SGCZ: variants seen among roughly 807,000 people sequenced by gnomAD.
SGCZ encodes the protein zeta-sarcoglycan.
A neutral mutation model predicts 41.3 loss-of-function variants in SGCZ; 40 were observed. The observed-to-expected ratio is 0.97, with a 90% CI of 0.75 to 1.26. The LOEUF (loss-of-function observed/expected upper bound fraction) is 1.26, where lower values mean the gene tolerates loss of function less well. SGCZ is among the 50% of genes most tolerant of loss of function. The pLI is 0.00. For missense variants in SGCZ, 552 were observed against 369.8 expected, an observed-to-expected ratio of 1.49 and a Z score of -4.04; for synonymous variants, 206 against 137.5, an observed-to-expected ratio of 1.50 and a Z score of -3.49.
Position 14,530,724 on chromosome 8 carries a change from T to G in SGCZ, c.234+24008A>C, listed in dbSNP as rs546135054. 1.6e-3 allele frequency among the ~76,000 whole-genome samples: 238 copies of G among 152,230 alleles called. 3 individuals are homozygous for G. Among genetic ancestry groups the G allele is most frequent in the African/African-American group, 5.4e-3 (226 of 41,562 alleles). ...TATGCCTGGCACAGTAGTGCTTGCT[T>G]ATAGCCCCATCTATTCTGGAGGCTG... On this transcript the variant is annotated intron_variant, in intron 2 of 7. Coordinates refer to ENST00000382080, the MANE Select transcript of SGCZ (RefSeq NM_139167.4).
At chr8:14,427,886 G>A (rs567473887) in intron 2 of SGCZ, among the ~76,000 whole-genome samples, 1 of 152,122 alleles carries the variant, frequency 6.6e-6, no homozygotes, top group South Asian at 2.1e-4. Context: ...TAAAAATAAT[G>A]CATTAAAAAA....
chr8:14,573,960 G>A (rs114387269), intron 1 of SGCZ, among the ~76,000 whole-genome samples: 2 of 152,194 alleles, frequency 1.3e-5, no homozygotes, highest in African/African-American at 2.4e-5. Flanking sequence ...TTTGCACAGA[G>A]GATACATGCA....
intron 1 of SGCZ, among the ~76,000 whole-genome samples, chr8:14,732,807 C>A (rs1256702117): frequency 6.6e-6 from 1 of 151,994 alleles, no homozygotes; most frequent in Non-Finnish European, 1.5e-5. Flanking sequence ...GCAATTATCT[C>A]TTTTGTCTTT....
intron 1 of SGCZ, among the ~76,000 whole-genome samples, chr8:14,599,697 G>A (rs1463774508): frequency 6.6e-6 from 1 of 152,050 alleles, no homozygotes; most frequent in African/African-American, 2.4e-5. Flanking sequence ...CCTAATAAAT[G>A]AACACGTGTC....
chr8:14,593,266 AT>A (rs1805297810), intron 1 of SGCZ, among the ~76,000 whole-genome samples: 1 of 152,200 alleles, frequency 6.6e-6, no homozygotes, highest in Admixed American at 6.5e-5. Flanking sequence ...CAGATAGACA[AT>A]GATGAGAGAA....
At chr8:14,927,074 C>G (rs901961176) in intron 1 of SGCZ, among the ~76,000 whole-genome samples, 13 of 147,800 alleles carry the variant, frequency 8.8e-5, no homozygotes, top group Admixed American at 1.3e-4. Flanking sequence ...TTAAAATATA[C>G]TATATCAAAG....
chr8:14,481,435 A>G (rs1210344983), intron 2 of SGCZ, among the ~76,000 whole-genome samples: 1 of 152,232 alleles, frequency 6.6e-6, no homozygotes, highest in Non-Finnish European at 1.5e-5. Flanking sequence ...ATAAGTTTCA[A>G]AGTCATGAAT....
intron 3 of SGCZ, among the ~76,000 whole-genome samples, chr8:14,320,789 G>T (rs1801891088): frequency 6.6e-6 from 1 of 152,044 alleles, no homozygotes; most frequent in African/African-American, 2.4e-5. Context: ...GGGATCAGTG[G>T]CAGTGGTGAG....
At chr8:14,735,647 T>G (rs1320632875) in intron 1 of SGCZ, among the ~76,000 whole-genome samples, 1 of 152,132 alleles carries the variant, frequency 6.6e-6, no homozygotes, top group Non-Finnish European at 1.5e-5. Context: ...TGGCCTATAG[T>G]GAGACTTCAC....
chr8:14,855,901 A>G (rs1251166171), intron 1 of SGCZ, among the ~76,000 whole-genome samples: 2 of 152,204 alleles, frequency 1.3e-5, no homozygotes, highest in Non-Finnish European at 2.9e-5. Flanking sequence ...AAGACCACAA[A>G]AGGAAAAGAC....
At position 14,906,107 on chromosome 8, in the gene SGCZ, G is replaced by A. The variant is rs1022937506; in HGVS notation, c.39+331478C>T. Among the ~76,000 whole-genome samples the A allele has an allele frequency of 5.9e-5, 9 of 152,044 alleles. 1 individual carries two copies. In the East Asian group the frequency reaches 1.2e-3, roughly 20 times the overall value. ...GATCGACAAAAGGCTGCGTATTTGAGATATAAGAGATAAATAAATTAAACA... is the reference window on the plus strand; with the variant it reads ...GATCGACAAAAGGCTGCGTATTTGAAATATAAGAGATAAATAAATTAAACA... On this transcript the variant is annotated intron_variant, in intron 1 of 7. Coordinates refer to ENST00000382080, the MANE Select transcript of SGCZ (RefSeq NM_139167.4).
intron 1 of SGCZ, among the ~76,000 whole-genome samples, chr8:14,916,456 GA>G (rs1002228771): frequency 6.6e-6 from 1 of 152,202 alleles, no homozygotes; most frequent in Non-Finnish European, 1.5e-5. Flanking sequence ...CAGAAATGTA[GA>G]TATGATAATG....
chr8:14,526,054 C>T (rs954940696), intron 2 of SGCZ, among the ~76,000 whole-genome samples: 16 of 151,802 alleles, frequency 1.1e-4, no homozygotes, highest in African/African-American at 2.7e-4. Context: ...TATCCATATT[C>T]GAAAAAGTAT....
chr8:14,399,803 A>G lies in SGCZ; in HGVS notation c.235-75599T>C, dbSNP rs1343211876. Among the ~76,000 whole-genome samples, 4 of 152,174 alleles carry G rather than the reference A, an allele frequency of 2.6e-5. 1 individual carries two copies. The South Asian group carries it at 6.2e-4, about 24-fold the overall frequency. On this transcript the variant is annotated intron_variant, in intron 2 of 7. Coordinates refer to ENST00000382080, the MANE Select transcript of SGCZ (RefSeq NM_139167.4). ...TCAAAGGACTAACAAATAGCTGATA[A>G]TATTAATCTACAATTTGATTTTTAA...
chr8:14,246,565 G>A (rs1201972698), intron 3 of SGCZ, among the ~76,000 whole-genome samples: 1 of 150,896 alleles, frequency 6.6e-6, no homozygotes, highest in Admixed American at 6.6e-5. Flanking sequence ...CCTGCACATT[G>A]TGCACATGTA....
At position 14,228,857 on chromosome 8, in the gene SGCZ, T is replaced by C. The variant is rs113376036; in HGVS notation, c.424+8735A>G. 3.9e-5 allele frequency among the ~76,000 whole-genome samples: 6 copies of C among 152,266 alleles called. No homozygotes were observed. The East Asian group carries it at 7.7e-4, about 20-fold the overall frequency. On this transcript the variant is annotated intron_variant, in intron 4 of 7. Transcript: ENST00000382080. Reference sequence around the variant, plus strand: ...TGGAAAAGGAAAAATTTCAAAGATATAGTATTCATTGACATATAGGCATGA... The same window carrying C: ...TGGAAAAGGAAAAATTTCAAAGATACAGTATTCATTGACATATAGGCATGA...
At chr8:15,159,075 A>C (rs191750464) in intron 1 of SGCZ, among the ~76,000 whole-genome samples, 1 of 152,320 alleles carries the variant, frequency 6.6e-6, no homozygotes, top group East Asian at 1.9e-4. Context: ...AACATCTGAA[A>C]GACCAGCCTT....
chr8:15,236,701 C>T (rs957479672), intron 1 of SGCZ, among the ~76,000 whole-genome samples: 1 of 152,066 alleles, frequency 6.6e-6, no homozygotes, highest in African/African-American at 2.4e-5. Context: ...TGAAGGGAAG[C>T]AGGCAGAGGT....
chr8:14,243,525 G>A (rs1001327842), intron 3 of SGCZ, among the ~76,000 whole-genome samples: 15 of 152,150 alleles, frequency 9.9e-5, no homozygotes, highest in Admixed American at 9.8e-4. Flanking sequence ...CTAACTCTCA[G>A]CTTGAAAGAA....
Sources: allele counts gnomAD v4.1 joint callset (sites outside exome capture counted in the v4.1 genomes callset), GRCh38; gene constraint gnomAD v4.1.1; transcripts MANE v1.5; gene names NCBI Gene and HGNC (gene_info 2026-07-23, HGNC 2026-07-21).